The following PCDH11X variants were observed in gnomAD, a reference collection of about 807,000 sequenced individuals.
The protein encoded by PCDH11X is protocadherin 11 X-linked.
PCDH11X carries 18 observed loss-of-function variants against 53.3 expected under a neutral mutation model. That is an observed-to-expected ratio of 0.34 (90% CI 0.23 to 0.50). PCDH11X has a LOEUF of 0.50. Among genes scored for constraint, PCDH11X ranks in the 20% least tolerant of loss-of-function variants. The pLI, the probability that PCDH11X is intolerant of heterozygous loss-of-function variation, is 0.98. For missense variants in PCDH11X, 570 were observed against 1,032.4 expected, an observed-to-expected ratio of 0.55 and a Z score of 6.14; for synonymous variants, 279 against 393.3, an observed-to-expected ratio of 0.71 and a Z score of 3.44.
At chrX:92,121,234 C>A (rs952813162) in intron 6 of PCDH11X, among the ~76,000 whole-genome samples, 1 of 109,855 alleles carries the variant, frequency 9.1e-6, no homozygotes, top group Non-Finnish European at 1.9e-5. Flanking sequence ...TGGTTCACTG[C>A]AACCTCTGCC....
At chrX:92,276,722 AT>A (rs1432138265) in intron 8 of PCDH11X, among the ~76,000 whole-genome samples, 1 of 111,645 alleles carries the variant, frequency 9.0e-6, no homozygotes, top group Non-Finnish European at 1.9e-5. Context: ...CCAGATTCTA[AT>A]TTTTGGAGTT....
At chrX:92,475,875 T>C (rs192855396) in intron 10 of PCDH11X, among the ~76,000 whole-genome samples, 158 of 111,977 alleles carry the variant, frequency 1.4e-3, no homozygotes, top group African/African-American at 4.7e-3. Context: ...TTACTTTTAT[T>C]CTTTTTTCTT....
chrX:92,113,679 G>A, intron 6 of PCDH11X: 1 of 1,202,256 alleles, frequency 8.3e-7, no homozygotes, highest in Non-Finnish European at 1.1e-6. Context: ...CACATAGTGT[G>A]TCCAGCTTCC....
At chrX:91,887,450 G>A (rs1400921099) in intron 6 of PCDH11X, among the ~76,000 whole-genome samples, 1 of 111,183 alleles carries the variant, frequency 9.0e-6, no homozygotes, top group East Asian at 2.8e-4. Context: ...CATCGTGCGT[G>A]TTCATACATG....
intron 8 of PCDH11X, among the ~76,000 whole-genome samples, chrX:92,331,341 C>CTTCTTCTTCTTCTTCTTTT (rs1329567733): frequency 2.8e-5 from 1 of 35,863 alleles, no homozygotes; most frequent in African/African-American, 1.6e-4. Context: ...TTCCTTCCTT[C>CTTCTTCTTCTTCTTCTTTT]CTTTTCCCCC....
intron 6 of PCDH11X, among the ~76,000 whole-genome samples, chrX:92,159,407 A>G (rs936704215): frequency 9.4e-5 from 10 of 106,250 alleles, no homozygotes; most frequent in Non-Finnish European, 1.9e-4. Flanking sequence ...AACTCATTAT[A>G]TTATCATTTT....
chrX:92,067,795 CT>C (rs890785944), intron 6 of PCDH11X, among the ~76,000 whole-genome samples: 3 of 111,311 alleles, frequency 2.7e-5, no homozygotes, highest in African/African-American at 9.8e-5. Flanking sequence ...AGGTTTCAGG[CT>C]TTTCTTTCCT....
At chrX:92,133,851 G>A (rs772071124) in intron 6 of PCDH11X, among the ~76,000 whole-genome samples, 11 of 111,906 alleles carry the variant, frequency 9.8e-5, no homozygotes, top group Admixed American at 1.9e-4. Flanking sequence ...TCTTGCCAAG[G>A]TTAAGGATGC....
Position 92,312,047 on chromosome X carries a change from G to A in PCDH11X, c.3144+48904G>A, listed in dbSNP as rs192489076. On this transcript the variant is annotated intron_variant, in intron 8 of 10. Transcript: ENST00000682573. ...TATATGTATTCTGTAGAGTAAATAA[G>A]CATTGTTAGATACACTGTTGGTTTA... 3.5e-3 allele frequency among the ~76,000 whole-genome samples: 390 copies of A among 111,347 alleles called. 6 individuals carry two copies. The East Asian group carries it at 0.09, about 26-fold the overall frequency.
rs145379428 is a variant in PCDH11X at position 92,173,984 on chromosome X, CAAAAAAAAAAA to C, written c.3034-27372_3034-27362del. The stretch of plus-strand genomic sequence containing the variant: ...TGGGTGATAGAGTGAGACCCAGTCT[CAAAAAAAAAAA>C]AAAAAAAAAAAAAAAAAAGTAGTGA... On this transcript the variant is annotated intron_variant, in intron 6 of 10. Transcript: ENST00000682573. 6.8e-5 allele frequency among the ~76,000 whole-genome samples: 2 copies of C among 29,559 alleles called. 1 individual carries two copies. The highest frequency in any genetic ancestry group is 2.9e-4 in the African/African-American group (2 of 6,896). 25.7% of individuals were successfully genotyped at this position (29,559 alleles called of 115,157 possible).
Position 92,442,389 on chromosome X carries a change from G to A in PCDH11X, c.3344-25910G>A, listed in dbSNP as rs1045564149. On this transcript the variant is annotated intron_variant, in intron 9 of 10. Coordinates refer to ENST00000682573, the MANE Select transcript of PCDH11X (RefSeq NM_032968.5). ...TTTCCATGTGTTGTGGGGGAACTGG[G>A]TGGAAGGTAATTGAATCATGGGGGC... 2.9e-4 allele frequency among the ~76,000 whole-genome samples: 32 copies of A among 111,173 alleles called. 1 individual carries two copies. The highest frequency in any genetic ancestry group is 4.7e-3 in the Middle Eastern group (1 of 213).
rs535839656 is a variant in PCDH11X at position 92,476,040 on chromosome X, G to A, written c.3367+7718G>A. 4.8e-3 allele frequency among the ~76,000 whole-genome samples: 538 copies of A among 111,566 alleles called. 3 individuals are homozygous for A. The highest frequency in any genetic ancestry group is 0.032 in the Middle Eastern group (7 of 218). ...CTCCCATAATTCCCATGGGTTGTGG[G>A]ACGGACCCAGAGGGAGGTAACTGAA... On this transcript the variant is annotated intron_variant, in intron 10 of 10. Transcript: ENST00000682573.
intron 6 of PCDH11X, among the ~76,000 whole-genome samples, chrX:92,160,081 G>A (rs2065612462): frequency 9.0e-6 from 1 of 110,521 alleles, no homozygotes; most frequent in African/African-American, 3.3e-5. Context: ...ACAGGGAATG[G>A]TTTTGTTTAT....
chrX:92,210,230 C>CTTTTTTT (rs146233770), intron 7 of PCDH11X, among the ~76,000 whole-genome samples: 1 of 41,078 alleles, frequency 2.4e-5, no homozygotes, highest in Non-Finnish European at 4.0e-5. Flanking sequence ...AGAAAATGGG[C>CTTTTTTT]TTTTTTTTTT....
intron 6 of PCDH11X, among the ~76,000 whole-genome samples, chrX:92,019,723 C>T (rs1395104017): frequency 1.8e-5 from 2 of 112,121 alleles, no homozygotes; most frequent in African/African-American, 6.5e-5. Flanking sequence ...TAGCGGGAAA[C>T]TTATAGCACT....
At chrX:92,132,024 C>A (rs1603011845) in intron 6 of PCDH11X, among the ~76,000 whole-genome samples, 1 of 105,096 alleles carries the variant, frequency 9.5e-6, no homozygotes, top group South Asian at 4.6e-4. Flanking sequence ...ATAATCCCAG[C>A]ACTTTGGGAG....
chrX:91,897,960 C>T (rs1940811350), intron 6 of PCDH11X, among the ~76,000 whole-genome samples: 1 of 112,097 alleles, frequency 8.9e-6, no homozygotes, highest in African/African-American at 3.2e-5. Flanking sequence ...TGGGACATGA[C>T]TGGGCTTTAA....
intron 7 of PCDH11X, among the ~76,000 whole-genome samples, chrX:92,261,765 T>C (rs921350867): frequency 8.0e-5 from 9 of 112,315 alleles, no homozygotes; most frequent in Admixed American, 1.9e-4. Flanking sequence ...TAAAAATTTT[T>C]ATCTATTATT....
rs1928484371 is a variant in PCDH11X, at chrX:92,621,421, A to C, written c.*2481A>C. 1 of 109,137 alleles carries C rather than the reference A, an allele frequency of 9.2e-6. No homozygotes were observed. The highest frequency in any genetic ancestry group is 4.0e-4 in the South Asian group (1 of 2,520). The allele number at this position is 109,137 out of a possible 1,213,427, so 9.0% of individuals were successfully genotyped here. Reference sequence around the variant, plus strand: ...CAATACGCTTTTATTACCCTTTCTAACTCTGATTTTATAATCAGACTTAGA... The same window carrying C: ...CAATACGCTTTTATTACCCTTTCTACCTCTGATTTTATAATCAGACTTAGA... On this transcript the variant is annotated 3_prime_UTR_variant, in exon 11 of 11. Coordinates refer to ENST00000682573, the MANE Select transcript of PCDH11X (RefSeq NM_032968.5).
Sources: allele counts gnomAD v4.1 joint callset (sites outside exome capture counted in the v4.1 genomes callset), GRCh38; gene constraint gnomAD v4.1.1; transcripts MANE v1.5; gene names NCBI Gene and HGNC (gene_info 2026-07-23, HGNC 2026-07-21).